The following KCNMA1 variants were observed in gnomAD, a reference collection of about 807,000 sequenced individuals.
KCNMA1 encodes the protein potassium calcium-activated channel subfamily M alpha 1.
Under a neutral mutation model 140.0 loss-of-function variants are expected in KCNMA1, and 29 were observed. The observed-to-expected ratio is 0.21, with a 90% CI of 0.15 to 0.28. The LOEUF (loss-of-function observed/expected upper bound fraction) is 0.28, where lower values mean the gene tolerates loss of function less well. KCNMA1 is among the 10% of genes least tolerant of loss of function. The pLI is 1.00. For missense variants in KCNMA1, 880 were observed against 1,602.2 expected, an observed-to-expected ratio of 0.55 and a Z score of 7.70; for synonymous variants, 612 against 611.9, an observed-to-expected ratio of 1.00 and a Z score of 0.00.
intron 3 of KCNMA1, among the ~76,000 whole-genome samples, chr10:77,200,239 C>T (rs890684071): frequency 6.6e-6 from 1 of 152,180 alleles, no homozygotes; most frequent in Non-Finnish European, 1.5e-5. Context: ...GTGTGAGCCA[C>T]CACGCCCAGC....
chr10:77,396,664 T>C (rs1260700257), intron 2 of KCNMA1, among the ~76,000 whole-genome samples: 2 of 152,234 alleles, frequency 1.3e-5, no homozygotes, highest in African/African-American at 4.8e-5. Context: ...GCTATGTATA[T>C]AACGTTAATG....
intron 1 of KCNMA1, among the ~76,000 whole-genome samples, chr10:77,594,128 G>A (rs1037593935): frequency 4.6e-5 from 7 of 152,196 alleles, no homozygotes; most frequent in Non-Finnish European, 1.0e-4. Flanking sequence ...CCATGAAAGT[G>A]AAAAGAAAGG....
chr10:77,088,434 T>A (rs1398408674), intron 10 of KCNMA1, among the ~76,000 whole-genome samples: 1 of 151,384 alleles, frequency 6.6e-6, no homozygotes, highest in Non-Finnish European at 1.5e-5. Flanking sequence ...CCAGTTTTTG[T>A]TTTGTTTTGT....
At chr10:77,545,611 G>A (rs2061279758) in intron 1 of KCNMA1, among the ~76,000 whole-genome samples, 1 of 152,168 alleles carries the variant, frequency 6.6e-6, no homozygotes, top group Non-Finnish European at 1.5e-5. Flanking sequence ...GCATGGAGGT[G>A]CCCCCCGGGC....
chr10:77,255,624 T>C (rs992227225), intron 2 of KCNMA1, among the ~76,000 whole-genome samples: 32 of 149,996 alleles, frequency 2.1e-4, no homozygotes, highest in African/African-American at 7.9e-4. Flanking sequence ...TAAAAAAATA[T>C]AAAAGTGGGC....
intron 1 of KCNMA1, among the ~76,000 whole-genome samples, chr10:77,410,937 T>C (rs2096605162): frequency 6.6e-6 from 1 of 152,230 alleles, no homozygotes; most frequent in Non-Finnish European, 1.5e-5. Context: ...ACCTGCTTCC[T>C]TTACTTCATC....
At chr10:77,194,790 A>G (rs2039881018) in intron 3 of KCNMA1, among the ~76,000 whole-genome samples, 1 of 152,154 alleles carries the variant, frequency 6.6e-6, no homozygotes, top group South Asian at 2.1e-4. Context: ...AAGAGTACCA[A>G]TGCTGAAGAC....
At chr10:77,537,247 C>A (rs1189930050) in intron 1 of KCNMA1, among the ~76,000 whole-genome samples, 1 of 152,160 alleles carries the variant, frequency 6.6e-6, no homozygotes, top group Non-Finnish European at 1.5e-5. Flanking sequence ...CCCCCCTGCT[C>A]CTTTAATTTC....
At chr10:76,920,020 G>GTATATGTATATATA (rs1554921803) in intron 23 of KCNMA1, among the ~76,000 whole-genome samples, 4 of 34,404 alleles carry the variant, frequency 1.2e-4, no homozygotes, top group Non-Finnish European at 2.1e-4. Context: ...GTGTGTGTGT[G>GTATATGTATATATA]TATATATATA....
At chr10:77,573,025 C>T (rs1352748071) in intron 1 of KCNMA1, among the ~76,000 whole-genome samples, 1 of 152,132 alleles carries the variant, frequency 6.6e-6, no homozygotes, top group Non-Finnish European at 1.5e-5. Flanking sequence ...CCACTCACCA[C>T]CAGCCCCTCC....
chr10:76,919,724 CAA>C (rs1449148651), intron 23 of KCNMA1, among the ~76,000 whole-genome samples: 1 of 152,114 alleles, frequency 6.6e-6, no homozygotes, highest in South Asian at 2.1e-4. Flanking sequence ...CGATAAACCA[CAA>C]ATACCTCCCA....
intron 21 of KCNMA1, among the ~76,000 whole-genome samples, chr10:76,950,235 A>G (rs2065748630): frequency 6.6e-6 from 1 of 152,166 alleles, no homozygotes; most frequent in Non-Finnish European, 1.5e-5. Flanking sequence ...CCCCTGTCCA[A>G]TGCTGCCTTG....
intron 2 of KCNMA1, among the ~76,000 whole-genome samples, chr10:77,270,687 AAT>A (rs1491274560): frequency 8.4e-6 from 1 of 119,294 alleles, no homozygotes; most frequent in African/African-American, 4.5e-5. Context: ...ACACCTAGCT[AAT>A]TTTTTTTTTT....
chr10:77,616,805 C>CAA (rs112798861), intron 1 of KCNMA1, among the ~76,000 whole-genome samples: 3 of 121,098 alleles, frequency 2.5e-5, no homozygotes, highest in Admixed American at 8.5e-5. Context: ...AGCTCCATCT[C>CAA]AAAAAAAAAA....
chr10:77,268,855 G>A (rs539028542), intron 2 of KCNMA1, among the ~76,000 whole-genome samples: 42 of 152,242 alleles, frequency 2.8e-4, no homozygotes, highest in African/African-American at 9.9e-4. Context: ...ACCTTAGTGC[G>A]CACAGTGATT....
intron 1 of KCNMA1, among the ~76,000 whole-genome samples, chr10:77,539,233 C>A (rs145305608): frequency 1.3e-5 from 2 of 152,314 alleles, no homozygotes; most frequent in East Asian, 3.9e-4. Flanking sequence ...TCCCAATGAG[C>A]TAGCATGATA....
At chr10:77,515,102 C>A (rs1181303542) in intron 1 of KCNMA1, among the ~76,000 whole-genome samples, 1 of 152,104 alleles carries the variant, frequency 6.6e-6, no homozygotes, top group Non-Finnish European at 1.5e-5. Flanking sequence ...TTTGCAGAAG[C>A]ACAATCCTAC....
intron 2 of KCNMA1, among the ~76,000 whole-genome samples, chr10:77,262,243 A>T (rs1306316150): frequency 6.6e-6 from 1 of 152,190 alleles, no homozygotes; most frequent in African/African-American, 2.4e-5. Flanking sequence ...AAAGAAGGAA[A>T]TTCTGGTCCA....
At chr10:77,370,735 T>A (rs980367643) in intron 2 of KCNMA1, among the ~76,000 whole-genome samples, 4 of 152,164 alleles carry the variant, frequency 2.6e-5, no homozygotes, top group African/African-American at 9.7e-5. Context: ...AGACTCAGCA[T>A]AGGCCAGTGC....
Sources: allele counts gnomAD v4.1 joint callset (sites outside exome capture counted in the v4.1 genomes callset), GRCh38; gene constraint gnomAD v4.1.1; transcripts MANE v1.5; gene names NCBI Gene and HGNC (gene_info 2026-07-23, HGNC 2026-07-21).